MCTP1: variants seen among roughly 807,000 people sequenced by gnomAD.
The protein encoded by MCTP1 is multiple C2 and transmembrane domain-containing protein 1.
Under a neutral mutation model 120.6 loss-of-function variants are expected in MCTP1, and 69 were observed. The ratio of observed to expected loss-of-function variants is 0.57; its 90% CI spans 0.47 to 0.70. The LOEUF (loss-of-function observed/expected upper bound fraction) is 0.70, where lower values mean the gene tolerates loss of function less well. Ranked by LOEUF, MCTP1 falls within the 30% of genes least tolerant of loss-of-function variation. The pLI is 0.00. For synonymous variants in MCTP1, 529 were observed against 493.1 expected, an observed-to-expected ratio of 1.07 and a Z score of -0.96; for missense variants, 1,203 against 1,248.8, an observed-to-expected ratio of 0.96 and a Z score of 0.55.
intron 1 of MCTP1, among the ~76,000 whole-genome samples, chr5:95,215,832 A>C (rs76111918): frequency 6.6e-6 from 1 of 152,132 alleles, no homozygotes; most frequent in Non-Finnish European, 1.5e-5. Context: ...CAAAACTTAT[A>C]AAATATCTAG....
intron 1 of MCTP1, among the ~76,000 whole-genome samples, chr5:95,117,841 G>C (rs1364321632): frequency 6.6e-6 from 1 of 152,142 alleles, no homozygotes; most frequent in Non-Finnish European, 1.5e-5. Context: ...CCATAAAAAG[G>C]AATGAGATCA....
chr5:95,223,193 T>A (rs1480998405), intron 1 of MCTP1, among the ~76,000 whole-genome samples: 1 of 152,216 alleles, frequency 6.6e-6, no homozygotes, highest in Non-Finnish European at 1.5e-5. Context: ...GGCTCACGTC[T>A]ATAATCCCAA....
intron 17 of MCTP1, among the ~76,000 whole-genome samples, chr5:94,809,415 A>C (rs533829226): frequency 6.6e-6 from 1 of 152,226 alleles, no homozygotes; most frequent in South Asian, 2.1e-4. Context: ...ATAACTGATA[A>C]GAAATCCCTG....
At chr5:94,920,742 A>AAAAT (rs113227976) in intron 7 of MCTP1, among the ~76,000 whole-genome samples, 25,235 of 141,786 alleles carry the variant, frequency 0.18, 2,425 homozygotes, top group African/African-American at 0.23. Flanking sequence ...ATTCCGTCTC[A>AAAAT]AAATAAATAA....
chr5:95,026,569 G>T (rs973128306), intron 1 of MCTP1, among the ~76,000 whole-genome samples: 1 of 151,916 alleles, frequency 6.6e-6, no homozygotes, highest in Non-Finnish European at 1.5e-5. Flanking sequence ...GGCTTATTTC[G>T]CTTAACAAAA....
chr5:95,064,083 C>T (rs866681762), intron 1 of MCTP1, among the ~76,000 whole-genome samples: 1 of 152,188 alleles, frequency 6.6e-6, no homozygotes. Flanking sequence ...AACTATAATT[C>T]GTGTCTTAAA....
At chr5:94,891,812 A>T (rs1802710310) in intron 11 of MCTP1, among the ~76,000 whole-genome samples, 1 of 152,116 alleles carries the variant, frequency 6.6e-6, no homozygotes, top group Non-Finnish European at 1.5e-5. Context: ...ACATAACTTC[A>T]TCAAGAGGTA....
At chr5:95,144,460 T>G (rs1760203989) in intron 1 of MCTP1, among the ~76,000 whole-genome samples, 1 of 152,172 alleles carries the variant, frequency 6.6e-6, no homozygotes, top group African/African-American at 2.4e-5. Context: ...TTTTGGAGAC[T>G]TAGCCATCAA....
Position 95,096,426 on chromosome 5 carries a change from G to A in MCTP1, c.721-78942C>T, listed in dbSNP as rs566624648. Among the ~76,000 whole-genome samples, 12 of 152,244 alleles carry A rather than the reference G, an allele frequency of 7.9e-5. No individual in the cohort carries two copies. In the East Asian group the frequency reaches 2.1e-3, roughly 27 times the overall value. ...TACAGCTTCAGTTGGTAAGGACAGA[G>A]AGACTTCCTTAGAGTCTCTAAGGAA... On this transcript the variant is annotated intron_variant, in intron 1 of 22. Coordinates refer to ENST00000515393, the MANE Select transcript of MCTP1 (RefSeq NM_024717.7).
At chr5:95,169,690 T>C (rs1746960124) in intron 1 of MCTP1, among the ~76,000 whole-genome samples, 2 of 152,212 alleles carry the variant, frequency 1.3e-5, no homozygotes, top group African/African-American at 4.8e-5. Context: ...AGTAGTGGTG[T>C]TTATAGTATT....
intron 7 of MCTP1, among the ~76,000 whole-genome samples, chr5:94,919,444 C>G (rs1307297230): frequency 1.3e-5 from 2 of 152,092 alleles, no homozygotes; most frequent in Non-Finnish European, 2.9e-5. Flanking sequence ...AATCCCCTTC[C>G]CTGATAAGTA....
intron 1 of MCTP1, among the ~76,000 whole-genome samples, chr5:95,267,069 G>A (rs1758958348): frequency 6.6e-6 from 1 of 152,074 alleles, no homozygotes; most frequent in African/African-American, 2.4e-5. Context: ...GGCTATACAT[G>A]GAAATATAAA....
intron 1 of MCTP1, among the ~76,000 whole-genome samples, chr5:95,259,025 G>T (rs1758191782): frequency 6.6e-6 from 1 of 152,136 alleles, no homozygotes; most frequent in South Asian, 2.1e-4. Flanking sequence ...CTCCATTTTT[G>T]TTATTACAGG....
chr5:94,838,657 C>A (rs1284283593), intron 17 of MCTP1, among the ~76,000 whole-genome samples: 1 of 152,212 alleles, frequency 6.6e-6, no homozygotes, highest in South Asian at 2.1e-4. Context: ...ATTAGTAGAT[C>A]TGCTTCTTAG....
intron 1 of MCTP1, among the ~76,000 whole-genome samples, chr5:95,142,278 TAAG>T (rs577965309): frequency 1.4e-3 from 208 of 152,328 alleles, no homozygotes; most frequent in African/African-American, 4.4e-3. Flanking sequence ...AGTCTCCAGA[TAAG>T]AAGAAGTGTG....
At chr5:94,794,806 C>T (rs1183188905) in intron 18 of MCTP1, among the ~76,000 whole-genome samples, 4 of 152,160 alleles carry the variant, frequency 2.6e-5, no homozygotes, top group African/African-American at 9.7e-5. Flanking sequence ...ATATAGAAGA[C>T]ATGGGGTGAG....
chr5:95,075,820 T>C (rs1227774667), intron 1 of MCTP1, among the ~76,000 whole-genome samples: 2 of 152,254 alleles, frequency 1.3e-5, no homozygotes, highest in South Asian at 2.1e-4. Context: ...AGTGGCTTCC[T>C]AGTGGTAATC....
At chr5:94,729,670 GA>G (rs1263945159) in intron 19 of MCTP1, among the ~76,000 whole-genome samples, 1 of 152,212 alleles carries the variant, frequency 6.6e-6, no homozygotes, top group Non-Finnish European at 1.5e-5. Flanking sequence ...TTAACCAGGA[GA>G]AGTGCACGTA....
chr5:95,245,426 T>C (rs1306213521), intron 1 of MCTP1, among the ~76,000 whole-genome samples: 1 of 152,018 alleles, frequency 6.6e-6, no homozygotes, highest in African/African-American at 2.4e-5. Flanking sequence ...ACTAAAAACC[T>C]TGAAAAAAGT....
Sources: gnomAD v4.1 joint callset for allele counts (sites outside exome capture counted in the v4.1 genomes callset) on GRCh38, gnomAD v4.1.1 for gene constraint, MANE v1.5 for transcripts, NCBI Gene and HGNC (gene_info 2026-07-23, HGNC 2026-07-21) for gene names.